The following KIAA1210 variants were observed in gnomAD, a reference collection of about 807,000 sequenced individuals.
KIAA1210 encodes the protein KIAA1210, also known as acrosomal protein KIAA1210.
A neutral mutation model predicts 78.9 loss-of-function variants in KIAA1210; 48 were observed. The observed-to-expected ratio is 0.61, with a 90% CI of 0.48 to 0.77. The LOEUF is 0.77. KIAA1210 is among the 30% of genes least tolerant of loss of function. The pLI is 0.00. For synonymous variants in KIAA1210, 406 were observed against 404.5 expected, an observed-to-expected ratio of 1.00 and a Z score of -0.04; for missense variants, 1,108 against 1,100.0, an observed-to-expected ratio of 1.01 and a Z score of -0.10.
At chrX:119,147,473 T>C (rs766447274) in exon 2 of KIAA1210, 2 of 1,209,759 alleles carry the variant, frequency 1.7e-6, no homozygotes, top group Admixed American at 2.2e-5. Flanking sequence ...TCAGCCTCAC[T>C]TTCCTGAATC....
chrX:119,110,189 A>T (rs1047267213), intron 3 of KIAA1210, among the ~76,000 whole-genome samples: 5 of 112,475 alleles, frequency 4.4e-5, no homozygotes, highest in Non-Finnish European at 7.5e-5. Flanking sequence ...TAGGATTTAC[A>T]AGGAATGATT....
At chrX:119,117,389 G>A (rs1928304727) in intron 2 of KIAA1210, among the ~76,000 whole-genome samples, 1 of 110,785 alleles carries the variant, frequency 9.0e-6, no homozygotes, top group African/African-American at 3.3e-5. Context: ...GTGTGTGTGT[G>A]TGATGATGAT....
upstream of KIAA1210, among the ~76,000 whole-genome samples, chrX:119,127,980 T>G (rs1264809611): frequency 9.0e-6 from 1 of 111,634 alleles, no homozygotes; most frequent in African/African-American, 3.3e-5. Flanking sequence ...GCTGGATCTC[T>G]CTCCTCTCCC....
intron 2 of KIAA1210, among the ~76,000 whole-genome samples, chrX:119,119,993 AAAGAAAG>A (rs748973403): frequency 3.2e-5 from 2 of 61,691 alleles, no homozygotes; most frequent in Non-Finnish European, 4.2e-5. Flanking sequence ...AAAAAAAAAA[AAAGAAAG>A]AAAGAAAAGA....
intron 8 of KIAA1210, among the ~76,000 whole-genome samples, chrX:119,092,127 C>G (rs1927386331): frequency 8.9e-6 from 1 of 112,233 alleles, no homozygotes; most frequent in African/African-American, 3.2e-5. Context: ...ATATGTAATA[C>G]ACATGCAAAG....
chrX:119,146,372 T>C (rs1412140951), intron 2 of KIAA1210, among the ~76,000 whole-genome samples: 2 of 111,939 alleles, frequency 1.8e-5, no homozygotes, highest in Non-Finnish European at 3.8e-5. Flanking sequence ...TATAATATGC[T>C]GAAATTTTGG....
In KIAA1210 at chrX:119,089,407, T is replaced by C; in HGVS notation, c.1295A>G (p.Gln432Arg). ...TTSQPETTTPQGLLSDKDDMG... is the reference protein window; with the variant it reads ...TTSQPETTTPRGLLSDKDDMG... ...GTCATCTTTATCTGAAAGCAACCCC[T>C]GAGGGGTAGTGGTTTCTGGTTGTGA... The change falls in exon 9 of 12, where the codon CAG (glutamine) becomes CGG (arginine). Residue 432 changes from glutamine to arginine, a missense_variant. Coordinates refer to ENST00000691062, the MANE Select transcript of KIAA1210 (RefSeq NM_001394962.1). 8.3e-7 allele frequency: 1 copy of C among 1,211,852 alleles called. No homozygotes were observed. The highest frequency in any genetic ancestry group is 1.8e-5 in the South Asian group (1 of 56,948).
upstream of KIAA1210, among the ~76,000 whole-genome samples, chrX:119,131,150 A>G (rs776209388): frequency 7.2e-5 from 8 of 111,882 alleles, no homozygotes; most frequent in Non-Finnish European, 1.3e-4. Context: ...TCTTTAAACA[A>G]TGTAATAGGA....
rs1470481612 is a variant in KIAA1210, at chrX:119,116,733, C to T, written c.62-69G>A. ...GGGAAGACAGGAGAGGAAAAAGAGC[C>T]TTCATGAGAGGAAAGAGGACCATGA... On this transcript the variant is annotated intron_variant, in intron 2 of 11. Coordinates refer to ENST00000691062, the MANE Select transcript of KIAA1210 (RefSeq NM_001394962.1). The T allele has an allele frequency of 4.0e-6, 4 of 1,009,500 alleles. No homozygotes were observed. The African/African-American group carries it at 5.8e-5, about 15-fold the overall frequency. The allele number at this position is 1,009,500 out of a possible 1,213,427, so 83.2% of individuals were successfully genotyped here.
intron 2 of KIAA1210, among the ~76,000 whole-genome samples, chrX:119,119,020 C>T (rs1192948052): frequency 2.7e-5 from 3 of 112,220 alleles, no homozygotes; most frequent in African/African-American, 9.7e-5. Flanking sequence ...CAGCTTGTCA[C>T]TTCCTTTGAC....
chrX:119,085,432 G>T lies in KIAA1210; in HGVS notation c.4271C>A (p.Thr1424Asn). 1 of 1,211,519 alleles carries T rather than the reference G, an allele frequency of 8.3e-7. No homozygotes were observed. The highest frequency in any genetic ancestry group is 1.1e-6 in the Non-Finnish European group (1 of 895,294). Reference protein sequence around the residue: ...KAHISVKELKTKSNAGADAET... With the variant: ...KAHISVKELKNKSNAGADAET... The stretch of plus-strand genomic sequence containing the variant: ...AGCATCGGCTCCAGCATTGCTCTTA[G>T]TTTTCAGCTCTTTCACAGAAATGTG... The change falls in exon 10 of 12, where the codon ACT (threonine) becomes AAT (asparagine). Residue 1424 changes from threonine (T) to asparagine (N), a missense_variant. Thr to Asn is a moderately conservative substitution (Grantham distance 65). Coordinates refer to ENST00000691062, the MANE Select transcript of KIAA1210 (RefSeq NM_001394962.1).
intron 1 of KIAA1210, among the ~76,000 whole-genome samples, chrX:119,123,994 T>A (rs113412135): frequency 4.0e-4 from 45 of 111,187 alleles, no homozygotes; most frequent in African/African-American, 1.4e-3. Context: ...TTTTGTTTGC[T>A]TGTTTTTTGT....
chrX:119,112,978 T>C (rs1928130223), intron 3 of KIAA1210, among the ~76,000 whole-genome samples: 1 of 112,099 alleles, frequency 8.9e-6, no homozygotes, highest in Non-Finnish European at 1.9e-5. Flanking sequence ...TAAAATGTGG[T>C]ATAGTCATGC....
chrX:119,088,975 G>T lies in KIAA1210; in HGVS notation c.1727C>A (p.Thr576Lys). 1 of 1,211,777 alleles carries T rather than the reference G, an allele frequency of 8.3e-7. No individual in the cohort carries two copies. Among genetic ancestry groups the T allele is most frequent in the Non-Finnish European group, 1.1e-6 (1 of 895,386 alleles). The change falls in exon 9 of 12, where the codon ACA becomes AAA. Residue 576 changes from threonine (T) to lysine (K), a missense_variant. Coordinates refer to ENST00000691062, the MANE Select transcript of KIAA1210 (RefSeq NM_001394962.1). ...TASVLGMTST[T>K]AKGDVYAKTL... is the part of the protein sequence containing the mutation. Reference sequence around the variant, plus strand: ...CTTGGCATAAACATCTCCTTTGGCTGTAGTACTTGTCATACCCAAAACACT... The same window carrying T: ...CTTGGCATAAACATCTCCTTTGGCTTTAGTACTTGTCATACCCAAAACACT...
Position 119,086,794 on chromosome X carries a change from C to A in KIAA1210, c.3908G>T (p.Arg1303Leu). The change falls in exon 9 of 12, where the codon CGA becomes CTA. Residue 1303 changes from arginine (R) to leucine (L), a missense_variant. Coordinates refer to ENST00000691062, the MANE Select transcript of KIAA1210 (RefSeq NM_001394962.1). The stretch of plus-strand genomic sequence containing the variant: ...CTGCGAGGGAGGGGCTCTTTTCAGT[C>A]GAACTCCAAAAAGCTTTTCAACATC... ...QDDVEKLFGVRLKRAPPSQKY... is the reference protein window; with the variant it reads ...QDDVEKLFGVLLKRAPPSQKY... 1 of 1,210,783 alleles carries A rather than the reference C, an allele frequency of 8.3e-7. No homozygotes were observed. Among genetic ancestry groups the A allele is most frequent in the Non-Finnish European group, 1.1e-6 (1 of 895,137 alleles).
intron 2 of KIAA1210, among the ~76,000 whole-genome samples, chrX:119,137,253 G>A (rs1418024938): frequency 8.9e-6 from 1 of 112,343 alleles, no homozygotes; most frequent in Non-Finnish European, 1.9e-5. Flanking sequence ...GAAAGGCTAA[G>A]TAACTGCCCA....
chrX:119,091,408 C>G (rs186278650), intron 8 of KIAA1210, among the ~76,000 whole-genome samples: 1 of 112,231 alleles, frequency 8.9e-6, no homozygotes, highest in African/African-American at 3.2e-5. Context: ...GTCATTATAT[C>G]AAAAAGACAC....
chrX:119,138,649 C>A, intron 2 of KIAA1210, among the ~76,000 whole-genome samples: 1 of 111,700 alleles, frequency 9.0e-6, no homozygotes, highest in East Asian at 2.8e-4. Context: ...CATCCACAAA[C>A]CCTAGTGAGC....
chrX:119,128,921 C>T (rs1298604237), upstream of KIAA1210, among the ~76,000 whole-genome samples: 1 of 112,040 alleles, frequency 8.9e-6, no homozygotes, highest in African/African-American at 3.2e-5. Flanking sequence ...GTGATCTGCC[C>T]ACCTCGGCCC....
Sources: gnomAD v4.1 joint callset for allele counts (sites outside exome capture counted in the v4.1 genomes callset) on GRCh38, gnomAD v4.1.1 for gene constraint, MANE v1.5 for transcripts, NCBI Gene and HGNC (gene_info 2026-07-23, HGNC 2026-07-21) for gene names.